DYNLRB2: variants seen among roughly 807,000 people sequenced by gnomAD.
The protein encoded by DYNLRB2 is dynein light chain roadblock-type 2.
A neutral mutation model predicts 12.6 loss-of-function variants in DYNLRB2; 14 were observed. That is an observed-to-expected ratio of 1.11 (90% CI 0.73 to 1.73). DYNLRB2 has a LOEUF of 1.73. Ranked by LOEUF, DYNLRB2 falls within the 40% of genes most tolerant of loss-of-function variation. DYNLRB2 has a pLI of 0.00. For synonymous variants in DYNLRB2, 53 were observed against 37.0 expected (o/e 1.43, Z -1.57); for missense variants, 142 against 117.7 (o/e 1.21, Z -0.95).
intron 3 of DYNLRB2, 137 bp from the exon 4 acceptor site, chr16:80,550,378 A>C (rs1282230620): frequency 2.2e-6 from 2 of 893,396 alleles, no homozygotes; most frequent in Non-Finnish European, 3.5e-6. Context: ...CAGGTAATTC[A>C]TACGTGCAGA....
In DYNLRB2 at chr16:80,543,308, G is replaced by T. The variant is rs1420437484; in HGVS notation, c.36G>T (p.Gln12His). 1.2e-6 allele frequency: 2 copies of T among 1,613,934 alleles called. No individual in the cohort carries two copies. Among genetic ancestry groups the T allele is most frequent in the African/African-American group, 2.7e-5 (2 of 74,930 alleles). Residue 12 changes from glutamine (Q) to histidine (H), a missense_variant, in exon 2 of 4, where the codon CAG (glutamine) becomes CAT (histidine). Transcript: ENST00000305904. ...AEVEETLKRI[Q>H]SHKGVIGTMV... is the part of the protein sequence containing the mutation. Reference sequence around the variant, plus strand: ...TGGAGGAAACCTTAAAGAGGATCCAGAGTCATAAAGGGGTTATTGGAACTA... The same window carrying T: ...TGGAGGAAACCTTAAAGAGGATCCATAGTCATAAAGGGGTTATTGGAACTA...
At chr16:80,541,457 G>A in intron 1 of DYNLRB2, 1 of 924,376 alleles carries the variant, frequency 1.1e-6, no homozygotes, top group African/African-American at 1.8e-5. Flanking sequence ...GACCCTTAGA[G>A]AGAAGGAAGA....
intron 1 of DYNLRB2, chr16:80,541,468 G>C (rs1414647255): frequency 1.2e-6 from 1 of 856,036 alleles, no homozygotes; most frequent in Non-Finnish European, 1.4e-6. Context: ...AGAAGGAAGA[G>C]GTGGGACAGG....
At chr16:80,548,541 G>T (rs1238235434) in intron 2 of DYNLRB2, among the ~76,000 whole-genome samples, 1 of 152,140 alleles carries the variant, frequency 6.6e-6, no homozygotes, top group East Asian at 1.9e-4. Context: ...AACCAACATG[G>T]TGAAACCCTG....
intron 1 of DYNLRB2, among the ~76,000 whole-genome samples, chr16:80,542,854 G>A (rs555029020): frequency 2.0e-5 from 3 of 152,284 alleles, no homozygotes; most frequent in South Asian, 4.1e-4. Context: ...ACAGAGGGAG[G>A]CCATGATATA....
intron 2 of DYNLRB2, among the ~76,000 whole-genome samples, chr16:80,546,774 C>T (rs932756749): frequency 1.3e-5 from 2 of 152,178 alleles, no homozygotes; most frequent in African/African-American, 4.8e-5. Context: ...TTCTAACAAT[C>T]TATCATTTGA....
Position 80,550,523 on chromosome 16 carries a change from T to A in DYNLRB2, c.256T>A (p.Tyr86Asn), listed in dbSNP as rs1904778199. 1 of 1,614,090 alleles carries A rather than the reference T, an allele frequency of 6.2e-7. No homozygotes were observed. Among genetic ancestry groups the A allele is most frequent in the African/African-American group, 1.3e-5 (1 of 74,940 alleles). The change falls in exon 4 of 4, where the codon TAT becomes AAT. Residue 86 changes from tyrosine (Y) to asparagine (N), a missense_variant. Physicochemically the swap from Tyr to Asn is moderately radical, Grantham distance 143. Coordinates refer to ENST00000305904, the MANE Select transcript of DYNLRB2 (RefSeq NM_130897.3). ...TATCCATCTCTCCATAGATAAGGAA[T>A]ATCTTCTGATCGTCATTCAGAATCC... The part of the protein sequence containing the change: ...HEIMVAPDKE[Y>N]LLIVIQNPCE
rs115313122 is a variant in DYNLRB2 at position 80,550,734 on chromosome 16, C to T, written c.*176C>T. The T allele has an allele frequency of 4.5e-3, 3,018 of 672,452 alleles. 72 individuals are homozygous for T. In the African/African-American group the frequency reaches 0.049, roughly 11 times the overall value. The allele number at this position is 672,452 out of a possible 1,614,324, so 41.7% of individuals were successfully genotyped here. On this transcript the variant is annotated 3_prime_UTR_variant, in exon 4 of 4. Coordinates refer to ENST00000305904, the MANE Select transcript of DYNLRB2 (RefSeq NM_130897.3). ...CTTTTGATTATATTGTGAAGTTGTA[C>T]TTTAGTGATACAATAAGTGAATTCT...
chr16:80,549,292 C>T (rs1383164505), intron 2 of DYNLRB2, 192 bp from the exon 3 acceptor site: 6 of 546,478 alleles, frequency 1.1e-5, no homozygotes, highest in African/African-American at 1.9e-5. Context: ...TATAGTTTCA[C>T]ACAACTATAC....
chr16:80,543,348 G>C lies in DYNLRB2; in HGVS notation c.76G>C (p.Glu26Gln), dbSNP rs1281386715. 1 of 1,613,832 alleles carries C rather than the reference G, an allele frequency of 6.2e-7. No homozygotes were observed. Among genetic ancestry groups the C allele is most frequent in the African/African-American group, 1.3e-5 (1 of 74,938 alleles). ...GVIGTMVVNA[E>Q]GIPIRTTLDN... Reference sequence around the variant, plus strand: ...TATTGGAACTATGGTTGTAAATGCAGAAGGTAAATATATCACAGGCTGTCT... The same window carrying C: ...TATTGGAACTATGGTTGTAAATGCACAAGGTAAATATATCACAGGCTGTCT... The change falls in exon 2 of 4, where the codon GAA becomes CAA. Residue 26 changes from glutamate (E) to glutamine (Q), a missense_variant. Physicochemically the swap from Glu to Gln is conservative, Grantham distance 29. Transcript: ENST00000305904.
Position 80,549,447 on chromosome 16 carries a change from C to A in DYNLRB2, c.80-37C>A, listed in dbSNP as rs766670027. On this transcript the variant is annotated intron_variant, in intron 2 of 3. Coordinates refer to ENST00000305904, the MANE Select transcript of DYNLRB2 (RefSeq NM_130897.3). ...ACACTGTACTTATTACTTTTCTAAT[C>A]AGAAAAAATATTAACCAAAATTAAA... 10 of 1,533,528 alleles carry A rather than the reference C, an allele frequency of 6.5e-6. No individual in the cohort carries two copies. The African/African-American group carries it at 1.4e-4, about 21-fold the overall frequency. The allele number at this position is 1,533,528 out of a possible 1,614,324, so 95.0% of individuals were successfully genotyped here. A position where few individuals can be genotyped will look rare whatever the true frequency, so the allele number is the denominator to read the frequency against.
At chr16:80,550,418 G>A (rs1267723343) in intron 3 of DYNLRB2, 97 bp from the exon 4 acceptor site, 4 of 1,417,240 alleles carry the variant, frequency 2.8e-6, no homozygotes, top group South Asian at 1.2e-5. Context: ...TCTGCACAAG[G>A]TCCCTGTGAT....
At chr16:80,547,828 C>G in intron 2 of DYNLRB2, 2 of 456,534 alleles carry the variant, frequency 4.4e-6, no homozygotes, top group Non-Finnish European at 8.8e-6. Flanking sequence ...GCCAACAAAT[C>G]ACAATAAAAG....
intron 2 of DYNLRB2, among the ~76,000 whole-genome samples, chr16:80,546,437 A>G (rs1206765604): frequency 6.6e-6 from 1 of 152,218 alleles, no homozygotes; most frequent in Non-Finnish European, 1.5e-5. Flanking sequence ...GACTTCTACC[A>G]TGCTTATTCA....
intron 2 of DYNLRB2, chr16:80,547,697 G>T: frequency 2.2e-6 from 1 of 452,180 alleles, no homozygotes; most frequent in Non-Finnish European, 4.5e-6. Context: ...AAAACTGCTC[G>T]TCAAAAAGTT....
At chr16:80,548,908 T>A (rs970413856) in intron 2 of DYNLRB2, 54 of 455,884 alleles carry the variant, frequency 1.2e-4, no homozygotes, top group Non-Finnish European at 5.3e-5. Flanking sequence ...CCCTCTAGCA[T>A]GTGCAGTGAT....
chr16:80,550,744 A>C lies in DYNLRB2; in HGVS notation c.*186A>C. The C allele has an allele frequency of 3.1e-6, 2 of 641,612 alleles. No individual in the cohort carries two copies. The highest frequency in any genetic ancestry group is 5.3e-6 in the Non-Finnish European group (2 of 374,942). 39.7% of individuals were successfully genotyped at this position (641,612 alleles called of 1,614,324 possible). A position where few individuals can be genotyped will look rare whatever the true frequency, so the allele number is the denominator to read the frequency against. On this transcript the variant is annotated 3_prime_UTR_variant, in exon 4 of 4. Coordinates refer to ENST00000305904, the MANE Select transcript of DYNLRB2 (RefSeq NM_130897.3). ...TATTGTGAAGTTGTACTTTAGTGAT[A>C]CAATAAGTGAATTCTGGTATATACG... is the stretch of plus-strand genomic sequence containing the variant.
intron 2 of DYNLRB2, among the ~76,000 whole-genome samples, chr16:80,548,595 T>A (rs4530157): frequency 1.3e-5 from 2 of 151,808 alleles, no homozygotes; most frequent in Non-Finnish European, 2.9e-5. Flanking sequence ...GGTGGTGGGT[T>A]CCTCTAATCT....
intron 1 of DYNLRB2, 136 bp from the exon 2 acceptor site, chr16:80,543,139 TA>T: frequency 3.7e-6 from 3 of 805,846 alleles, no homozygotes; most frequent in Non-Finnish European, 5.8e-6. Context: ...AGCTGTCTTT[TA>T]AAAATCTGAG....
Sources: allele counts gnomAD v4.1 joint callset (sites outside exome capture counted in the v4.1 genomes callset), GRCh38; gene constraint gnomAD v4.1.1; transcripts MANE v1.5; gene names NCBI Gene and HGNC (gene_info 2026-07-23, HGNC 2026-07-21).